Variants in UCMA observed in about 807,000 individuals in gnomAD.
UCMA encodes upper zone of growth plate and cartilage matrix-associated protein.
A neutral mutation model predicts 21.8 loss-of-function variants in UCMA; 21 were observed. That is an observed-to-expected ratio of 0.97 (90% CI 0.68 to 1.39). The LOEUF (loss-of-function observed/expected upper bound fraction) is 1.39. UCMA is among the 40% of genes most tolerant of loss of function. The probability of loss-of-function intolerance (pLI) is 0.00; values close to 1 mark genes in which losing one functional copy is unlikely to be tolerated. For synonymous variants in UCMA, 76 were observed against 67.9 expected, an observed-to-expected ratio of 1.12 and a Z score of -0.58; for missense variants, 193 against 178.9, an observed-to-expected ratio of 1.08 and a Z score of -0.45.
chr10:13,234,113 C>T, intron 1 of UCMA, 88 bp downstream of exon 1: 1 of 1,302,240 alleles, frequency 7.7e-7, no homozygotes, highest in Non-Finnish European at 1.1e-6. Flanking sequence ...TCCTTTCTAC[C>T]TGCATCACCT....
chr10:13,233,924 C>T (rs1564405482), intron 1 of UCMA, 124 bp from the exon 2 acceptor site: 2 of 1,233,748 alleles, frequency 1.6e-6, no homozygotes, highest in Admixed American at 2.5e-5. Flanking sequence ...CCCGTGGTTT[C>T]TCACGTACCA....
chr10:13,227,743 T>TACACACACACAC (rs55831241), intron 4 of UCMA, among the ~76,000 whole-genome samples: 4,777 of 110,536 alleles, frequency 0.043, 163 homozygotes, highest in Non-Finnish European at 0.057. Flanking sequence ...GGAAAGGAAA[T>TACACACACACAC]ACACACACAC....
rs981630300 is a variant in UCMA, at chr10:13,229,620, G to T, written c.310C>A (p.Gln104Lys). 1.2e-5 allele frequency: 20 copies of T among 1,613,526 alleles called. No individual in the cohort carries two copies. Among genetic ancestry groups the T allele is most frequent in the Non-Finnish European group, 1.6e-5 (19 of 1,179,778 alleles). ...GCTGAAGAGCTCTTACCATCGTTTTGTTCCTCCACGAAGTTCTCAAATTCA... is the reference window on the plus strand; with the variant it reads ...GCTGAAGAGCTCTTACCATCGTTTTTTTCCTCCACGAAGTTCTCAAATTCA... Reference protein sequence around the residue: ...RNEFENFVEEQNDEQEERSRE... With the variant: ...RNEFENFVEEKNDEQEERSRE... Residue 104 changes from glutamine (Q) to lysine (K), a missense_variant, in exon 4 of 5, where the codon CAA becomes AAA. Gln to Lys is a moderately conservative substitution (Grantham distance 53, BLOSUM62 1). Coordinates refer to ENST00000378681, the MANE Select transcript of UCMA (RefSeq NM_145314.3).
intron 4 of UCMA, 36 bp from the exon 5 acceptor site, chr10:13,222,236 G>A (rs1484036560): frequency 2.5e-6 from 4 of 1,587,320 alleles, no homozygotes; most frequent in Admixed American, 1.7e-5. Context: ...GTTAGGACAG[G>A]GGGACTCTGA....
At chr10:13,226,180 T>G (rs1056755841) in intron 4 of UCMA, among the ~76,000 whole-genome samples, 2 of 150,566 alleles carry the variant, frequency 1.3e-5, no homozygotes, top group South Asian at 4.2e-4. Context: ...AAGCCTCAGT[T>G]TTTTATTTTT....
chr10:13,229,743 A>C (rs1472544907), intron 3 of UCMA, 34 bp from the exon 4 acceptor site: 1 of 1,585,512 alleles, frequency 6.3e-7, no homozygotes, highest in Non-Finnish European at 8.7e-7. Flanking sequence ...GTTGCCCCTC[A>C]AGAATGAGGA....
intron 3 of UCMA, among the ~76,000 whole-genome samples, chr10:13,230,980 C>T (rs997105932): frequency 1.3e-5 from 2 of 151,950 alleles, no homozygotes; most frequent in South Asian, 2.1e-4. Flanking sequence ...TTGCTTGAAC[C>T]GGGGAGGTGG....
intron 4 of UCMA, among the ~76,000 whole-genome samples, chr10:13,222,770 G>A (rs567574987): frequency 1.7e-4 from 26 of 151,604 alleles, no homozygotes; most frequent in African/African-American, 4.8e-4. Flanking sequence ...GACTCACCGC[G>A]GCTTCAACCT....
rs545457416 is a variant in UCMA at position 13,232,172 on chromosome 10, G to A, written c.220+1366C>T. Among the ~76,000 whole-genome samples, 31 of 152,050 alleles carry A rather than the reference G, an allele frequency of 2.0e-4. No individual in the cohort carries two copies. The South Asian group carries it at 5.8e-3, about 29-fold the overall frequency. On this transcript the variant is annotated intron_variant, in intron 3 of 4. Transcript: ENST00000378681. The stretch of plus-strand genomic sequence containing the variant: ...GGGGGTCACCTGAGTTCAGGAGTTC[G>A]AAACCAGCCTGGCCATCATGGCAAA...
intron 4 of UCMA, among the ~76,000 whole-genome samples, chr10:13,226,307 G>A (rs2131603617): frequency 6.6e-6 from 1 of 150,722 alleles, no homozygotes; most frequent in East Asian, 2.0e-4. Flanking sequence ...GTGATCCTCT[G>A]TTAACCACCC....
chr10:13,222,148 A>G lies in UCMA; in HGVS notation c.372T>C (p.Tyr124=). 6.2e-7 allele frequency: 1 copy of G among 1,614,164 alleles called. No individual in the cohort carries two copies. ...EAVEQWRQWH[Y]DGLHPSYLYN... ...AGAGATAGGATGGGTGCAGGCCGTCATAGTGCCACTGGCGCCACTGCTCCA... is the reference window on the plus strand; with the variant it reads ...AGAGATAGGATGGGTGCAGGCCGTCGTAGTGCCACTGGCGCCACTGCTCCA... Residue 124 remains tyrosine (Y), a synonymous_variant, in exon 5 of 5, where the codon TAT becomes TAC. Coordinates refer to ENST00000378681, the MANE Select transcript of UCMA (RefSeq NM_145314.3).
intron 3 of UCMA, among the ~76,000 whole-genome samples, chr10:13,232,631 C>G (rs1834913992): frequency 6.6e-6 from 1 of 152,112 alleles, no homozygotes; most frequent in African/African-American, 2.4e-5. Flanking sequence ...CCAAGCATTT[C>G]TATCTCTGTT....
chr10:13,226,484 A>T (rs1042578157), intron 4 of UCMA, among the ~76,000 whole-genome samples: 8 of 151,982 alleles, frequency 5.3e-5, no homozygotes, highest in Non-Finnish European at 1.0e-4. Context: ...ATGTTTTTTA[A>T]TTGAAAAATT....
At chr10:13,233,477 G>A in intron 3 of UCMA, 61 bp downstream of exon 3, 3 of 1,377,176 alleles carry the variant, frequency 2.2e-6, no homozygotes, top group East Asian at 2.3e-5. Context: ...GAGAGGAGGA[G>A]CCGGGGGGTG....
intron 3 of UCMA, among the ~76,000 whole-genome samples, chr10:13,229,972 A>C (rs1457752616): frequency 6.6e-6 from 1 of 152,192 alleles, no homozygotes; most frequent in Non-Finnish European, 1.5e-5. Flanking sequence ...TCTGATTATA[A>C]AGTTGGTGGC....
chr10:13,228,179 C>T (rs555201033), intron 4 of UCMA, among the ~76,000 whole-genome samples: 2 of 152,186 alleles, frequency 1.3e-5, no homozygotes, highest in Admixed American at 6.5e-5. Context: ...CCTGCCTCAG[C>T]CTCCCAAGTA....
intron 3 of UCMA, among the ~76,000 whole-genome samples, chr10:13,232,102 G>C (rs192931834): frequency 1.3e-5 from 2 of 152,086 alleles, no homozygotes; most frequent in Non-Finnish European, 2.9e-5. Flanking sequence ...GGCCATGCGC[G>C]GTGGCTCATG....
chr10:13,227,231 A>T (rs564543558), intron 4 of UCMA, among the ~76,000 whole-genome samples: 7 of 152,194 alleles, frequency 4.6e-5, no homozygotes, highest in Non-Finnish European at 8.8e-5. Context: ...TTTCCTTTTC[A>T]CTAGGAGATG....
chr10:13,233,188 T>C (rs1213108464), intron 3 of UCMA, among the ~76,000 whole-genome samples: 1 of 152,046 alleles, frequency 6.6e-6, no homozygotes, highest in East Asian at 1.9e-4. Context: ...CAGACCAGAA[T>C]ATAGATTTCC....
Sources: allele counts gnomAD v4.1 joint callset (sites outside exome capture counted in the v4.1 genomes callset), GRCh38; gene constraint gnomAD v4.1.1; transcripts MANE v1.5; gene names NCBI Gene and HGNC (gene_info 2026-07-23, HGNC 2026-07-21).